The following WHAMM variants were observed in gnomAD, a reference collection of about 807,000 sequenced individuals.
WHAMM encodes the protein WASP homolog-associated protein with actin, membranes and microtubules.
Under a neutral mutation model 76.5 loss-of-function variants are expected in WHAMM, and 67 were observed. The observed-to-expected ratio is 0.88, with a 90% CI of 0.72 to 1.07. The LOEUF is 1.07. WHAMM is among the 50% of genes least tolerant of loss of function. The pLI is 0.00. For synonymous variants in WHAMM, 419 were observed against 422.1 expected (o/e 0.99, Z 0.09); for missense variants, 1,021 against 1,051.1 (o/e 0.97, Z 0.40).
rs181520747 is a variant in WHAMM, at chr15:82,829,733, A to G, written c.1642-866A>G. Among the ~76,000 whole-genome samples the G allele has an allele frequency of 3.9e-5, 6 of 152,082 alleles. No individual in the cohort carries two copies. In the South Asian group the frequency reaches 6.2e-4, roughly 16 times the overall value. ...TGTGTGTGTGTTTAGGTTTGCATTGATAGGATCATATTGAACTCATCCTTT... is the reference window on the plus strand; with the variant it reads ...TGTGTGTGTGTTTAGGTTTGCATTGGTAGGATCATATTGAACTCATCCTTT... On this transcript the variant is annotated intron_variant, in intron 8 of 9. Transcript: ENST00000286760.
At chr15:82,828,481 C>G (rs1428389789) in intron 8 of WHAMM, among the ~76,000 whole-genome samples, 1 of 152,140 alleles carries the variant, frequency 6.6e-6, no homozygotes. Flanking sequence ...GAACACAGAG[C>G]CAGTGAGGTA....
intron 8 of WHAMM, among the ~76,000 whole-genome samples, chr15:82,828,304 C>T (rs1172636215): frequency 6.6e-6 from 1 of 152,206 alleles, no homozygotes; most frequent in Non-Finnish European, 1.5e-5. Flanking sequence ...CAGAGCCACA[C>T]AGGGCTTCTC....
chr15:82,819,101 T>G (rs1277123700), intron 4 of WHAMM, among the ~76,000 whole-genome samples: 4 of 152,186 alleles, frequency 2.6e-5, no homozygotes, highest in Non-Finnish European at 5.9e-5. Context: ...TAATAATACC[T>G]CATTGCCATT....
chr15:82,811,937 TAGG>T (rs909108503), intron 1 of WHAMM, among the ~76,000 whole-genome samples: 3 of 152,138 alleles, frequency 2.0e-5, no homozygotes, highest in Non-Finnish European at 4.4e-5. Flanking sequence ...AGGATGGAAA[TAGG>T]AGAATTTAAG....
At position 82,833,787 on chromosome 15, in the gene WHAMM, T is replaced by C; in HGVS notation, c.*251T>C. The C allele has an allele frequency of 2.1e-6, 1 of 465,506 alleles. No individual in the cohort carries two copies. The allele number at this position is 465,506 out of a possible 1,614,324, so 28.8% of individuals were successfully genotyped here. On this transcript the variant is annotated 3_prime_UTR_variant, in exon 10 of 10. Coordinates refer to ENST00000286760, the MANE Select transcript of WHAMM (RefSeq NM_001080435.3). ...TCACCGCAAGCTCCGCTTCCCAGGCTGGGGTGCAGTGGTGCGATCTTGGCT... is the reference window on the plus strand; with the variant it reads ...TCACCGCAAGCTCCGCTTCCCAGGCCGGGGTGCAGTGGTGCGATCTTGGCT...
At chr15:82,826,680 A>AT in intron 7 of WHAMM, 71 bp from the exon 8 acceptor site, 1 of 1,529,052 alleles carries the variant, frequency 6.5e-7, no homozygotes, top group Non-Finnish European at 8.8e-7. Flanking sequence ...TTGCTGAGAC[A>AT]TTTTTATTGT....
chr15:82,823,236 G>A lies in WHAMM; in HGVS notation c.1407G>A (p.Glu469=). 6.3e-7 allele frequency: 1 copy of A among 1,584,342 alleles called. No homozygotes were observed. Among genetic ancestry groups the A allele is most frequent in the East Asian group, 2.3e-5 (1 of 43,964 alleles). Residue 469 remains glutamate (E), a synonymous_variant, in exon 6 of 10, where the codon GAG becomes GAA. Coordinates refer to ENST00000286760, the MANE Select transcript of WHAMM (RefSeq NM_001080435.3). ...KELRRQCQQL[E]SKRGRICAKR... The stretch of plus-strand genomic sequence containing the variant: ...TCAGAAGGCAGTGCCAGCAGCTGGA[G>A]TCTAAACGGGGCAGGATCTGTGCCA...
intron 5 of WHAMM, among the ~76,000 whole-genome samples, chr15:82,820,178 G>A (rs976991359): frequency 1.3e-5 from 2 of 152,112 alleles, no homozygotes; most frequent in South Asian, 2.1e-4. Context: ...TTTTATGGGT[G>A]CATAGTAGAT....
intron 6 of WHAMM, among the ~76,000 whole-genome samples, chr15:82,825,010 A>G (rs2151568618): frequency 6.6e-6 from 1 of 152,274 alleles, no homozygotes; most frequent in Admixed American, 6.5e-5. Context: ...CTATAGTCCC[A>G]GCTACTCAAG....
Position 82,834,394 on chromosome 15 carries a change from G to C in WHAMM, c.*858G>C, listed in dbSNP as rs1296866578. The stretch of plus-strand genomic sequence containing the variant: ...TAAAACTGGGGAGGGACGTAGAGAT[G>C]AGAGTTTCACACACCAGCCCATAGG... On this transcript the variant is annotated 3_prime_UTR_variant, in exon 10 of 10. Coordinates refer to ENST00000286760, the MANE Select transcript of WHAMM (RefSeq NM_001080435.3). 1.3e-5 allele frequency: 2 copies of C among 152,432 alleles called. No individual in the cohort carries two copies. The highest frequency in any genetic ancestry group is 4.8e-5 in the African/African-American group (2 of 41,440). 9.4% of individuals were successfully genotyped at this position (152,432 alleles called of 1,614,324 possible). A position where few individuals can be genotyped will look rare whatever the true frequency, so the allele number is the denominator to read the frequency against.
In WHAMM at chr15:82,810,145, C is replaced by G. The variant is rs1443330840; in HGVS notation, c.419C>G (p.Ala140Gly). The G allele has an allele frequency of 7.3e-6, 10 of 1,369,908 alleles. No individual in the cohort carries two copies. In the East Asian group the frequency reaches 3.1e-4, roughly 42 times the overall value. 84.9% of individuals were successfully genotyped at this position (1,369,908 alleles called of 1,614,324 possible). Residue 140 changes from alanine (A) to glycine (G), a missense_variant, in exon 1 of 10, where the codon GCG becomes GGG. By Grantham distance (60) the Ala-to-Gly change is moderately conservative (BLOSUM62 0). Coordinates refer to ENST00000286760, the MANE Select transcript of WHAMM (RefSeq NM_001080435.3). ...CCGACGCGCGCGGGTCCCGGCGAGG[C>G]GGCGCTGCAGGAGCTGTGCGGGCAG... ...LWPTRAGPGE[A>G]ALQELCGQLE... is the part of the protein sequence containing the mutation.
intron 8 of WHAMM, among the ~76,000 whole-genome samples, chr15:82,830,113 T>C (rs2051001437): frequency 6.6e-6 from 1 of 152,112 alleles, no homozygotes; most frequent in Non-Finnish European, 1.5e-5. Flanking sequence ...ATACATACTA[T>C]TTTATATCTG....
In WHAMM at chr15:82,833,904, A is replaced by G; in HGVS notation, c.*368A>G. On this transcript the variant is annotated 3_prime_UTR_variant, in exon 10 of 10. Transcript: ENST00000286760. ...ACAGGCGCCACCACCTTGCCCAACT[A>G]ATTTTTTGTATTTTTTAGTAGAGAC... The G allele has an allele frequency of 5.2e-6, 1 of 191,228 alleles. No individual in the cohort carries two copies. The highest frequency in any genetic ancestry group is 1.1e-5 in the Non-Finnish European group (1 of 91,374). 11.8% of individuals were successfully genotyped at this position (191,228 alleles called of 1,614,324 possible).
At chr15:82,830,264 A>G (rs1284252177) in intron 8 of WHAMM, among the ~76,000 whole-genome samples, 7 of 150,470 alleles carry the variant, frequency 4.7e-5, no homozygotes, top group African/African-American at 1.5e-4. Context: ...TAGATTTGTC[A>G]TAATTTTTTC....
rs1464548306 is a variant in WHAMM at position 82,809,742 on chromosome 15, C to T, written c.16C>T (p.Pro6Ser). The T allele has an allele frequency of 1.3e-6, 2 of 1,543,740 alleles. No individual in the cohort carries two copies. The highest frequency in any genetic ancestry group is 1.2e-5 in the South Asian group (1 of 82,254). The change falls in exon 1 of 10, where the codon CCT (proline) becomes TCT (serine). Residue 6 changes from proline to serine, a missense_variant. Around this residue, in one of 3 missense-constraint regions of WHAMM, gnomAD observed 501 missense variants for 524.9 expected, o/e 0.95. Transcript: ENST00000286760. ...GCCGACAGCCATGGAGGACGAGCAG[C>T]CTGACAGCCTGGAGGGCTGGGTGCC... MEDEQ[P>S]DSLEGWVPVR...
chr15:82,810,207 G>A lies in WHAMM; in HGVS notation c.481G>A (p.Gly161Ser). The A allele has an allele frequency of 7.1e-7, 1 of 1,410,618 alleles. No individual in the cohort carries two copies. The highest frequency in any genetic ancestry group is 9.3e-7 in the Non-Finnish European group (1 of 1,079,716). The allele number at this position is 1,410,618 out of a possible 1,614,324, so 87.4% of individuals were successfully genotyped here. Residue 161 changes from glycine to serine, a missense_variant, in exon 1 of 10, where the codon GGC (glycine) becomes AGC (serine). Gly to Ser is a moderately conservative substitution (Grantham distance 56, BLOSUM62 0). Coordinates refer to ENST00000286760, the MANE Select transcript of WHAMM (RefSeq NM_001080435.3). ...RYLGAAADGC[G>S]GATVRDALFP... is the part of the protein sequence containing the mutation. ...TCTGGGCGCGGCGGCCGACGGCTGC[G>A]GCGGCGCCACAGTGCGCGACGCACT...
intron 6 of WHAMM, among the ~76,000 whole-genome samples, chr15:82,826,087 G>A (rs181634846): frequency 2.0e-5 from 3 of 152,182 alleles, no homozygotes; most frequent in Non-Finnish European, 4.4e-5. Flanking sequence ...TAATGTTATG[G>A]GGAAATGTGT....
chr15:82,822,582 C>T (rs890887492), intron 5 of WHAMM, among the ~76,000 whole-genome samples: 3 of 152,168 alleles, frequency 2.0e-5, no homozygotes, highest in African/African-American at 7.2e-5. Flanking sequence ...GGATTATAGG[C>T]ATGCGCCACT....
chr15:82,822,947 T>C (rs2050859535), intron 5 of WHAMM, among the ~76,000 whole-genome samples, 153 bp from the exon 6 acceptor site: 1 of 152,188 alleles, frequency 6.6e-6, no homozygotes, highest in Non-Finnish European at 1.5e-5. Context: ...TGTGTGCATG[T>C]ATATTACATA....
Sources: gnomAD v4.1 joint callset for allele counts (sites outside exome capture counted in the v4.1 genomes callset) on GRCh38, gnomAD v4.1.1 for gene constraint, gnomAD v4.1.1 regional missense constraint, MANE v1.5 for transcripts, NCBI Gene and HGNC (gene_info 2026-07-23, HGNC 2026-07-21) for gene names.